The following ADORA2B variants were observed in gnomAD, a reference collection of about 807,000 sequenced individuals.
ADORA2B encodes adenosine receptor A2b.
Under a neutral mutation model 20.8 loss-of-function variants are expected in ADORA2B, and 18 were observed. That is an observed-to-expected ratio of 0.87 (90% CI 0.60 to 1.29). The LOEUF is 1.29. Among genes scored for constraint, ADORA2B ranks in the 50% most tolerant of loss-of-function variants. ADORA2B has a pLI of 0.00. For missense variants in ADORA2B, 441 were observed against 422.7 expected, an observed-to-expected ratio of 1.04 and a Z score of -0.38; for synonymous variants, 179 against 178.3, an observed-to-expected ratio of 1.00 and a Z score of -0.03.
At chr17:15,925,093 T>TGGCAC in the ADORA2B span, among the ~76,000 whole-genome samples, 1 of 152,182 alleles carries the variant, frequency 6.6e-6, no homozygotes, top group South Asian at 2.1e-4. Flanking sequence ...TGGAGTGCAG[T>TGGCAC]GGCACGATCT....
intron 1 of ADORA2B, among the ~76,000 whole-genome samples, chr17:15,965,904 GCTTT>G (rs567941847): frequency 1.4e-4 from 21 of 152,220 alleles, no homozygotes; most frequent in Admixed American, 2.6e-4. Flanking sequence ...AGTTTGCCAG[GCTTT>G]CTATTTGACT....
chr17:15,884,133 A>C, the ADORA2B span, among the ~76,000 whole-genome samples: 1 of 152,150 alleles, frequency 6.6e-6, no homozygotes, highest in Admixed American at 6.5e-5. Flanking sequence ...CTCCACACTG[A>C]AACTGTTCCT....
intron 1 of ADORA2B, among the ~76,000 whole-genome samples, chr17:15,973,494 G>A (rs749505864): frequency 1.3e-5 from 2 of 152,154 alleles, no homozygotes; most frequent in Admixed American, 6.5e-5. Context: ...GTACTGGTCC[G>A]TGGCCTGTTA....
intron 1 of ADORA2B, among the ~76,000 whole-genome samples, chr17:15,968,130 G>A (rs146136547): frequency 6.6e-6 from 1 of 152,292 alleles, no homozygotes; most frequent in African/African-American, 2.4e-5. Flanking sequence ...CCTGTCTTGG[G>A]GAGAAGTAAC....
chr17:15,863,509 C>CTTATTTAT, the ADORA2B span, among the ~76,000 whole-genome samples: 2 of 151,760 alleles, frequency 1.3e-5, no homozygotes, highest in African/African-American at 4.9e-5. Flanking sequence ...CCATGCCCAG[C>CTTATTTAT]TTATTTATTT....
intron 1 of ADORA2B, among the ~76,000 whole-genome samples, chr17:15,946,939 G>A (rs985129621): frequency 5.3e-5 from 8 of 152,216 alleles, no homozygotes; most frequent in African/African-American, 1.7e-4. Context: ...TGTGGGAATG[G>A]AGCCGGAGAA....
At chr17:15,953,961 T>C (rs562571258) in intron 1 of ADORA2B, among the ~76,000 whole-genome samples, 1 of 152,126 alleles carries the variant, frequency 6.6e-6, no homozygotes, top group South Asian at 2.1e-4. Flanking sequence ...ACTTTTATGC[T>C]GTTAAGGTTT....
chr17:15,922,441 T>C, the ADORA2B span, among the ~76,000 whole-genome samples: 1 of 152,338 alleles, frequency 6.6e-6, no homozygotes, highest in East Asian at 1.9e-4. Flanking sequence ...TATTCTATTA[T>C]ATGGGTGTAG....
At chr17:15,916,525 G>C in the ADORA2B span, among the ~76,000 whole-genome samples, 3 of 150,282 alleles carry the variant, frequency 2.0e-5, no homozygotes, top group Non-Finnish European at 4.5e-5. Flanking sequence ...TGAGCAAGGA[G>C]GGGGGGTACA....
At chr17:15,954,153 A>G (rs1035083985) in intron 1 of ADORA2B, among the ~76,000 whole-genome samples, 1 of 151,856 alleles carries the variant, frequency 6.6e-6, no homozygotes, top group African/African-American at 2.4e-5. Flanking sequence ...TAACTTTTGT[A>G]TTTTTAGTAG....
intron 1 of ADORA2B, among the ~76,000 whole-genome samples, chr17:15,953,842 C>A (rs1005090580): frequency 2.0e-5 from 3 of 152,146 alleles, no homozygotes; most frequent in African/African-American, 4.8e-5. Flanking sequence ...GTAGAGTTGT[C>A]CCCTGTCTTG....
At chr17:15,910,384 A>T in the ADORA2B span, among the ~76,000 whole-genome samples, 1 of 151,730 alleles carries the variant, frequency 6.6e-6, no homozygotes, top group East Asian at 1.9e-4. Flanking sequence ...TGCAACCTCC[A>T]TCTCCTCGGT....
At chr17:15,959,301 C>T (rs542775986) in intron 1 of ADORA2B, among the ~76,000 whole-genome samples, 1 of 152,238 alleles carries the variant, frequency 6.6e-6, no homozygotes, top group East Asian at 1.9e-4. Context: ...TTGTATCTGA[C>T]TCATCTAACG....
chr17:15,960,330 G>A (rs4408584), intron 1 of ADORA2B, among the ~76,000 whole-genome samples: 4,716 of 10,216 alleles, frequency 0.46, 1,507 homozygotes, highest in Non-Finnish European at 0.9. Context: ...CGAGGCGGGC[G>A]GATCACGAGG....
rs1192235636 is a variant in ADORA2B at position 15,945,571 on chromosome 17, G to C, written c.323G>C (p.Cys108Ser). 2 of 1,547,052 alleles carry C rather than the reference G, an allele frequency of 1.3e-6. No homozygotes were observed. Among genetic ancestry groups the C allele is most frequent in the Admixed American group, 3.7e-5 (2 of 53,910 alleles). Reference sequence around the variant, plus strand: ...GCAGTCGACAGATACCTGGCCATCTGTGTCCCGCTCAGGTGAGGCGCTCGG... The same window carrying C: ...GCAGTCGACAGATACCTGGCCATCTCTGTCCCGCTCAGGTGAGGCGCTCGG... ...AVAVDRYLAI[C>S]VPLRYKSLVT... The change falls in exon 1 of 2, where the codon TGT becomes TCT. Residue 108 changes from cysteine to serine, a missense_variant. Cys to Ser is a moderately radical substitution (Grantham distance 112). Coordinates refer to ENST00000304222, the MANE Select transcript of ADORA2B (RefSeq NM_000676.4).
upstream of ADORA2B, among the ~76,000 whole-genome samples, chr17:15,944,175 G>A (rs1171154837): frequency 6.6e-6 from 1 of 152,134 alleles, no homozygotes; most frequent in Non-Finnish European, 1.5e-5. This position sits in a 1 kb window ranked among gnomAD's most constrained non-coding sequence, Gnocchi z 4.8. Context: ...TAACGAACAG[G>A]GTCCCAGGAA....
the ADORA2B span, among the ~76,000 whole-genome samples, chr17:15,873,429 AG>A: frequency 6.6e-6 from 1 of 152,184 alleles, no homozygotes. Flanking sequence ...TTACAGCAAA[AG>A]AAATAATAAT....
chr17:15,913,610 A>G, the ADORA2B span, among the ~76,000 whole-genome samples: 2 of 152,240 alleles, frequency 1.3e-5, no homozygotes, highest in Non-Finnish European at 2.9e-5. Context: ...TCCAAGCAGA[A>G]TCTCTGAACC....
intron 1 of ADORA2B, among the ~76,000 whole-genome samples, chr17:15,973,533 C>CA (rs1970212164): frequency 6.6e-6 from 1 of 152,202 alleles, no homozygotes; most frequent in Non-Finnish European, 1.5e-5. Context: ...AGAAGGTGAG[C>CA]AGGCAGGCGA....
Sources: allele counts gnomAD v4.1 joint callset (sites outside exome capture counted in the v4.1 genomes callset), GRCh38; gene constraint gnomAD v4.1.1; non-coding constraint Gnocchi (gnomAD v3.1); transcripts MANE v1.5; gene names NCBI Gene and HGNC (gene_info 2026-07-23, HGNC 2026-07-21).